Variants in RIC3 observed in about 807,000 individuals in gnomAD.
RIC3 encodes the protein protein RIC-3.
In RIC3, 28 loss-of-function variants were observed where a neutral mutation model predicts 27.3. The ratio of observed to expected loss-of-function variants is 1.02; its 90% CI spans 0.76 to 1.41. RIC3 has a LOEUF of 1.41. Among genes scored for constraint, RIC3 ranks in the 40% most tolerant of loss-of-function variants. The pLI is 0.00. For missense variants in RIC3, 501 were observed against 444.7 expected (o/e 1.13, Z -1.14); for synonymous variants, 184 against 160.4 (o/e 1.15, Z -1.11).
chr11:8,165,882 G>A (rs376514754), intron 1 of RIC3, among the ~76,000 whole-genome samples: 1 of 137,812 alleles, frequency 7.3e-6, no homozygotes, highest in East Asian at 2.3e-4. Flanking sequence ...AACTTCAAAC[G>A]ATCCTCCCAC....
intron 1 of RIC3, among the ~76,000 whole-genome samples, chr11:8,148,472 T>G (rs968866863): frequency 6.6e-6 from 1 of 152,222 alleles, no homozygotes; most frequent in Non-Finnish European, 1.5e-5. Flanking sequence ...GATCTAATAT[T>G]TGTAGTATTA....
At chr11:8,133,782 T>C (rs1344694986) in intron 4 of RIC3, among the ~76,000 whole-genome samples, 6 of 152,176 alleles carry the variant, frequency 3.9e-5, no homozygotes, top group African/African-American at 9.7e-5. Flanking sequence ...TTAGAGGTTA[T>C]AGTATTGCAT....
the RIC3 span, chr11:8,098,890 C>CG: frequency 1.3e-6 from 2 of 1,574,362 alleles, no homozygotes; most frequent in Admixed American, 1.7e-5. Context: ...GTCCTAGGTT[C>CG]GGGGGTCTCT....
the RIC3 span, among the ~76,000 whole-genome samples, chr11:8,094,844 G>A: frequency 1.7e-4 from 26 of 152,220 alleles, no homozygotes; most frequent in African/African-American, 6.0e-4. Context: ...ATGTGTCACA[G>A]GCCATGGGCT....
rs1353901938 is a variant in RIC3 at position 8,110,364 on chromosome 11, C to G, written c.*334G>C. The G allele has an allele frequency of 4.9e-6, 2 of 406,736 alleles. No homozygotes were observed. The highest frequency in any genetic ancestry group is 9.3e-6 in the Non-Finnish European group (2 of 215,170). 25.2% of individuals were successfully genotyped at this position (406,736 alleles called of 1,614,324 possible). On this transcript the variant is annotated 3_prime_UTR_variant, in exon 6 of 6. Transcript: ENST00000309737. ...TCGTTCACAGGTGAACTATCTGTTA[C>G]ACCTACCAGGAAGAGTCAGACCTTT...
chr11:8,097,318 C>A, the RIC3 span: 11 of 1,614,142 alleles, frequency 6.8e-6, no homozygotes, highest in South Asian at 4.4e-5. Context: ...GAGGCCGGCC[C>A]CCCAGGGTAT....
At chr11:8,094,399 A>G in the RIC3 span, among the ~76,000 whole-genome samples, 3 of 152,138 alleles carry the variant, frequency 2.0e-5, no homozygotes, top group South Asian at 2.1e-4. Context: ...GGGCATGCCT[A>G]CCACACTGCC....
chr11:8,129,622 C>A (rs894781504), intron 4 of RIC3, among the ~76,000 whole-genome samples: 1 of 152,148 alleles, frequency 6.6e-6, no homozygotes, highest in Non-Finnish European at 1.5e-5. Flanking sequence ...TTGGGAAACA[C>A]CCTCACCAGA....
downstream of RIC3, chr11:8,102,778 C>G (rs1244831135): frequency 2.6e-5 from 4 of 152,284 alleles, no homozygotes; most frequent in Non-Finnish European, 5.9e-5. Context: ...AACCTTGTTG[C>G]TTTAGGTGAG....
the RIC3 span, chr11:8,096,849 G>A: frequency 6.2e-7 from 1 of 1,606,044 alleles, no homozygotes; most frequent in Non-Finnish European, 8.5e-7. Flanking sequence ...TTGGAGGACT[G>A]CTCATCCGTT....
chr11:8,134,407 T>C (rs1344639945), intron 4 of RIC3, among the ~76,000 whole-genome samples: 1 of 152,252 alleles, frequency 6.6e-6, no homozygotes, highest in Non-Finnish European at 1.5e-5. Flanking sequence ...GATGGACATC[T>C]GGGTTGGTTC....
chr11:8,138,378 C>A lies in RIC3; in HGVS notation c.352-31G>T, dbSNP rs374709139. 1.7e-5 allele frequency: 24 copies of A among 1,450,918 alleles called. No homozygotes were observed. The African/African-American group carries it at 3.4e-4, about 20-fold the overall frequency. The allele number at this position is 1,450,918 out of a possible 1,614,324, so 89.9% of individuals were successfully genotyped here. ...AATTGAAGGAGGTATAGCACATCAA[C>A]AGCAGCTCAGAACCTCAGTCACGGA... On this transcript the variant is annotated intron_variant, in intron 2 of 5. Transcript: ENST00000309737.
At chr11:8,128,527 G>T (rs1947263117) in intron 4 of RIC3, among the ~76,000 whole-genome samples, 1 of 152,074 alleles carries the variant, frequency 6.6e-6, no homozygotes, top group Non-Finnish European at 1.5e-5. Flanking sequence ...TTATTGCAAT[G>T]AATATTTTCA....
chr11:8,159,536 A>G (rs1167508619), intron 1 of RIC3, among the ~76,000 whole-genome samples: 1 of 152,162 alleles, frequency 6.6e-6, no homozygotes, highest in Non-Finnish European at 1.5e-5. Flanking sequence ...GGGAAGGAGG[A>G]AGGAGGCAAA....
chr11:8,130,011 C>A (rs961836205), intron 4 of RIC3, among the ~76,000 whole-genome samples: 5 of 152,200 alleles, frequency 3.3e-5, no homozygotes, highest in African/African-American at 1.2e-4. Flanking sequence ...TGTATTTTAT[C>A]TTAGTTAATG....
At chr11:8,153,707 C>G (rs1950434081) in intron 1 of RIC3, among the ~76,000 whole-genome samples, 1 of 152,134 alleles carries the variant, frequency 6.6e-6, no homozygotes, top group African/African-American at 2.4e-5. Context: ...ACTTCTAGTT[C>G]TGACTTTTCC....
Position 8,126,658 on chromosome 11 carries a change from C to T in RIC3, c.670+1G>A, listed in dbSNP as rs1405064727. On this transcript the variant is annotated splice_donor_variant, in intron 5 of 5. Coordinates refer to ENST00000309737, the MANE Select transcript of RIC3 (RefSeq NM_001206671.4). LOFTEE classifies it high-confidence loss of function. ...CAAAAAAATGAGAAGACACTGTTTA[C>T]CTTCCCAGTCCTCCATGTAAGGGGC... 6.2e-7 allele frequency: 1 copy of T among 1,613,892 alleles called. No homozygotes were observed.
chr11:8,168,827 C>T, intron 1 of RIC3, 39 bp downstream of exon 1: 1 of 1,594,572 alleles, frequency 6.3e-7, no homozygotes, highest in South Asian at 1.1e-5. Flanking sequence ...CCGTACTCTT[C>T]GGCGCCGGGA....
intron 1 of RIC3, among the ~76,000 whole-genome samples, chr11:8,147,612 G>A (rs1280004932): frequency 6.6e-6 from 1 of 152,130 alleles, no homozygotes; most frequent in African/African-American, 2.4e-5. Flanking sequence ...TTATGCCAGA[G>A]TCAGGTGGGA....
Sources: gnomAD v4.1 joint callset for allele counts (sites outside exome capture counted in the v4.1 genomes callset) on GRCh38, gnomAD v4.1.1 for gene constraint, MANE v1.5 for transcripts, NCBI Gene and HGNC (gene_info 2026-07-23, HGNC 2026-07-21) for gene names.